Variants in ARHGAP23 observed in about 807,000 individuals in gnomAD.
ARHGAP23 encodes the protein Rho GTPase activating protein 23, also known as rho GTPase-activating protein 23.
ARHGAP23 carries 34 observed loss-of-function variants against 136.3 expected under a neutral mutation model. That is an observed-to-expected ratio of 0.25 (90% CI 0.19 to 0.33). The LOEUF (loss-of-function observed/expected upper bound fraction) is 0.33. Ranked by LOEUF, ARHGAP23 falls within the 10% of genes least tolerant of loss-of-function variation. The probability of loss-of-function intolerance (pLI) is 1.00; values close to 1 mark genes in which losing one functional copy is unlikely to be tolerated. For synonymous variants in ARHGAP23, 832 were observed against 920.5 expected (o/e 0.90, Z 1.74); for missense variants, 1,808 against 2,139.0 (o/e 0.85, Z 3.05).
intron 1 of ARHGAP23, chr17:38,453,861 C>A (rs1329251437): frequency 1.4e-5 from 2 of 144,744 alleles, no homozygotes; most frequent in African/African-American, 4.9e-5. Context: ...CGCCGTCTGC[C>A]GGGCGCCTAG....
intron 11 of ARHGAP23, among the ~76,000 whole-genome samples, chr17:38,473,481 C>T (rs1163186563): frequency 2.6e-5 from 4 of 152,124 alleles, no homozygotes; most frequent in Non-Finnish European, 4.4e-5. Flanking sequence ...AGGGTGAAGT[C>T]GAGGCGGGAC....
rs1304684067 is a variant in ARHGAP23, at chr17:38,480,826, AAAG to A, written c.2629+946_2629+948del. ...CTCAAAAAAAAAAAAAAAAAAAAAG[AAAG>A]AAAGTTGTTCCCTTGGGCCAGCAGA... On this transcript the variant is annotated intron_variant, in intron 14 of 23. Transcript: ENST00000622683. Among the ~76,000 whole-genome samples the A allele has an allele frequency of 4.8e-3, 711 of 148,826 alleles. 5 individuals are homozygous for A. The highest frequency in any genetic ancestry group is 0.017 in the African/African-American group (681 of 40,444).
chr17:38,422,255 C>T lies in ARHGAP23; in HGVS notation n.120+2856C>T, dbSNP rs1597727781. ...AGCGGGGCTAATAATACCCACCTTA[C>T]AGTGTTGTCATGGGGACTAAATGAA... On this transcript the variant is annotated intron_variant and non_coding_transcript_variant, in intron 1 of 4. Coordinates refer to the ARHGAP23 transcript ENST00000633445. Among the ~76,000 whole-genome samples the T allele has an allele frequency of 7.9e-5, 12 of 152,324 alleles. 3 individuals carry two copies. The highest frequency in any genetic ancestry group is 7.8e-4 in the Admixed American group (12 of 15,308).
chr17:38,492,062 C>T (rs1394487529), intron 20 of ARHGAP23, among the ~76,000 whole-genome samples: 2 of 152,296 alleles, frequency 1.3e-5, no homozygotes, highest in Non-Finnish European at 2.9e-5. Flanking sequence ...CAGGATCCTG[C>T]ACCAGTGCTT....
At chr17:38,452,612 A>G (rs547484538) in intron 1 of ARHGAP23, among the ~76,000 whole-genome samples, 2 of 152,268 alleles carry the variant, frequency 1.3e-5, no homozygotes, top group Non-Finnish European at 2.9e-5. Flanking sequence ...CTTGGACCTC[A>G]GTTTCCTTCT....
Position 38,490,123 on chromosome 17 carries a change from A to G in ARHGAP23, c.3008A>G (p.Glu1003Gly). Residue 1003 changes from glutamate to glycine, a missense_variant, in exon 18 of 24, where the codon GAG (glutamate) becomes GGG (glycine). By Grantham distance (98) the Glu-to-Gly change is moderately conservative. Transcript: ENST00000622683. ...CTAGACAAATACAACGACTTCATCG[A>G]GGCCAACCGCATTGAGGACGCGCGG... ...FTDDKYNDFI[E>G]ANRIEDARER... is the part of the protein sequence containing the mutation. 6.4e-7 allele frequency: 1 copy of G among 1,551,772 alleles called. No homozygotes were observed. Among genetic ancestry groups the G allele is most frequent in the South Asian group, 1.2e-5 (1 of 84,058 alleles).
chr17:38,482,762 G>T (rs2040076256), intron 16 of ARHGAP23, 84 bp downstream of exon 16: 3 of 1,383,198 alleles, frequency 2.2e-6, no homozygotes, highest in South Asian at 1.4e-5. Context: ...GTGGTCTATT[G>T]TGTTGCATGC....
chr17:38,502,655 C>T (rs749494213), intron 23 of ARHGAP23, among the ~76,000 whole-genome samples: 5 of 152,136 alleles, frequency 3.3e-5, no homozygotes, highest in Non-Finnish European at 5.9e-5. Context: ...GAGGGAAAAG[C>T]GCATACGTAG....
intron 1 of ARHGAP23, among the ~76,000 whole-genome samples, chr17:38,434,296 A>C (rs959535235): frequency 1.3e-5 from 2 of 152,176 alleles, no homozygotes; most frequent in Non-Finnish European, 2.9e-5. Flanking sequence ...GGGGAAAGAA[A>C]GACTTCTTAT....
At position 38,477,925 on chromosome 17, in the gene ARHGAP23, A is replaced by G. The variant is rs1302680405; in HGVS notation, c.2436+29A>G. The G allele has an allele frequency of 6.5e-7, 1 of 1,546,906 alleles. No individual in the cohort carries two copies. Among genetic ancestry groups the G allele is most frequent in the Admixed American group, 2.0e-5 (1 of 50,942 alleles). ...AGGGCCCGGCCAGCCCGGCAGCCAC[A>G]GAGGGCGGGCGGGGTGGCCTCTCAC... is the stretch of plus-strand genomic sequence containing the variant. On this transcript the variant is annotated intron_variant, in intron 12 of 23. Transcript: ENST00000622683. The surrounding 1 kb of genome is among the most constrained non-coding windows in gnomAD (Gnocchi z 6.6).
In ARHGAP23 at chr17:38,486,055, C is replaced by T; in HGVS notation, c.2908-7C>T. 1.3e-6 allele frequency: 2 copies of T among 1,550,676 alleles called. No individual in the cohort carries two copies. On this transcript the variant is annotated splice_polypyrimidine_tract_variant and splice_region_variant and intron_variant, in intron 16 of 23. Transcript: ENST00000622683. ...TGCCTGTGCCTGACATCTGACCCCT[C>T]CCCCAGCGCTGGCAAGACCTCAATG... is the stretch of plus-strand genomic sequence containing the variant.
chr17:38,480,271 C>G (rs1466023815), intron 14 of ARHGAP23, among the ~76,000 whole-genome samples: 1 of 152,072 alleles, frequency 6.6e-6, no homozygotes, highest in Non-Finnish European at 1.5e-5. Context: ...GAGGCCAAGG[C>G]AGGGCAGATC....
intron 17 of ARHGAP23, 37 bp downstream of exon 17, chr17:38,486,177 C>G: frequency 6.7e-7 from 1 of 1,502,406 alleles, no homozygotes; most frequent in Non-Finnish European, 9.1e-7. Context: ...GGAGGGGACA[C>G]CAGTCCGTGC....
chr17:38,470,241 C>T (rs1000328513), intron 10 of ARHGAP23, among the ~76,000 whole-genome samples: 6 of 152,190 alleles, frequency 3.9e-5, no homozygotes, highest in Admixed American at 1.3e-4. Flanking sequence ...TGACATTTCA[C>T]GCCTCCCTTC....
chr17:38,434,249 C>T (rs527994494), intron 1 of ARHGAP23, among the ~76,000 whole-genome samples: 39 of 152,276 alleles, frequency 2.6e-4, no homozygotes, highest in African/African-American at 4.1e-4. Flanking sequence ...GGGCTACTCC[C>T]GGTGGCAAGG....
intron 1 of ARHGAP23, among the ~76,000 whole-genome samples, chr17:38,454,602 G>A (rs1170934044): frequency 1.3e-5 from 2 of 152,156 alleles, no homozygotes; most frequent in African/African-American, 4.8e-5. Flanking sequence ...AGTGGGCAGA[G>A]GAGGCTGAGT....
intron 17 of ARHGAP23, among the ~76,000 whole-genome samples, chr17:38,488,546 G>GTTGTT (rs1567818827): frequency 2.0e-5 from 3 of 152,156 alleles, no homozygotes; most frequent in Non-Finnish European, 4.4e-5. Flanking sequence ...TTTTGTTGTT[G>GTTGTT]TTGTTTTGTT....
chr17:38,431,535 C>A (rs544854627), intron 1 of ARHGAP23, among the ~76,000 whole-genome samples: 2 of 152,268 alleles, frequency 1.3e-5, no homozygotes, highest in Non-Finnish European at 2.9e-5. Flanking sequence ...CAGATCCAGG[C>A]CCCCCTGTTT....
intron 1 of ARHGAP23, among the ~76,000 whole-genome samples, chr17:38,436,405 C>T (rs958813787): frequency 1.4e-5 from 2 of 147,510 alleles, no homozygotes; most frequent in Admixed American, 6.8e-5. Context: ...CCAAAAAAAA[C>T]GCTGAGGAGA....
Sources: gnomAD v4.1 joint callset for allele counts (sites outside exome capture counted in the v4.1 genomes callset) on GRCh38, gnomAD v4.1.1 for gene constraint, Gnocchi (gnomAD v3.1) non-coding constraint, MANE v1.5 for transcripts, NCBI Gene and HGNC (gene_info 2026-07-23, HGNC 2026-07-21) for gene names.